PCLO: variants seen among roughly 807,000 people sequenced by gnomAD.
PCLO encodes the protein protein piccolo.
Under a neutral mutation model 427.5 loss-of-function variants are expected in PCLO, and 82 were observed. The observed-to-expected ratio is 0.19, with a 90% confidence interval of 0.16 to 0.23. PCLO has a LOEUF of 0.23. Ranked by LOEUF, PCLO falls within the 10% of genes least tolerant of loss-of-function variation. The probability of loss-of-function intolerance (pLI) is 1.00; values close to 1 mark genes in which losing one functional copy is unlikely to be tolerated. For missense variants in PCLO, 6,239 were observed against 6,115.9 expected, an observed-to-expected ratio of 1.02 and a Z score of -0.67; for synonymous variants, 2,357 against 2,155.4, an observed-to-expected ratio of 1.09 and a Z score of -2.59.
At chr7:83,106,024 A>G (rs2116503734) in intron 3 of PCLO, among the ~76,000 whole-genome samples, 1 of 152,358 alleles carries the variant, frequency 6.6e-6, no homozygotes, top group East Asian at 1.9e-4. Context: ...AGAGGAAACA[A>G]GTAGACTAGG....
intron 22 of PCLO, among the ~76,000 whole-genome samples, chr7:82,768,992 T>C (rs1013362280): frequency 1.3e-5 from 2 of 152,152 alleles, no homozygotes; most frequent in Non-Finnish European, 2.9e-5. Flanking sequence ...GTGGTTTGGG[T>C]ATTTCAAGTA....
chr7:82,876,273 T>C (rs2116023303), intron 10 of PCLO, among the ~76,000 whole-genome samples: 1 of 152,136 alleles, frequency 6.6e-6, no homozygotes, highest in East Asian at 1.9e-4. Context: ...ATTTTTTTAA[T>C]TGGAAAAAAA....
intron 3 of PCLO, among the ~76,000 whole-genome samples, chr7:82,997,210 C>T (rs189800737): frequency 6.6e-6 from 1 of 151,930 alleles, no homozygotes; most frequent in African/African-American, 2.4e-5. Context: ...CTGATCCCTG[C>T]CATGGTACCA....
intron 16 of PCLO, among the ~76,000 whole-genome samples, chr7:82,829,763 T>A (rs1792045519): frequency 2.0e-5 from 3 of 152,128 alleles, no homozygotes; most frequent in Admixed American, 1.3e-4. Context: ...CATAGAGAAA[T>A]TCTCCTACCT....
chr7:82,867,085 A>G (rs1663471184), intron 10 of PCLO, among the ~76,000 whole-genome samples: 1 of 152,192 alleles, frequency 6.6e-6, no homozygotes, highest in Non-Finnish European at 1.5e-5. Flanking sequence ...TAAAAGGAAG[A>G]CAAACATCAT....
intron 9 of PCLO, among the ~76,000 whole-genome samples, chr7:82,883,039 C>T (rs1793546138): frequency 6.6e-6 from 1 of 152,052 alleles, no homozygotes; most frequent in Admixed American, 6.6e-5. Context: ...TCAATACCCT[C>T]ATATCCTGTA....
chr7:83,038,025 ATATATT>A (rs1402012512), intron 3 of PCLO, among the ~76,000 whole-genome samples: 28 of 49,086 alleles, frequency 5.7e-4, no homozygotes, highest in African/African-American at 3.0e-3. Flanking sequence ...ATATATATAT[ATATATT>A]TATATATTTA....
intron 3 of PCLO, among the ~76,000 whole-genome samples, chr7:83,005,928 A>C (rs1344162928): frequency 6.6e-6 from 1 of 151,682 alleles, no homozygotes; most frequent in Non-Finnish European, 1.5e-5. Context: ...GCAATGTTCT[A>C]ATTACAGCCA....
rs1439488507 is a variant in PCLO at position 83,029,118 on chromosome 7, T to G, written c.3301-62631A>C. Among the ~76,000 whole-genome samples, 4 of 151,042 alleles carry G rather than the reference T, an allele frequency of 2.6e-5. No homozygotes were observed. In the South Asian group the frequency reaches 6.3e-4, roughly 24 times the overall value. On this transcript the variant is annotated intron_variant, in intron 3 of 24. Transcript: ENST00000333891. ...AAAAAATTGACAAATGGGATATAATTAAACTAAAGAGCTTCTGCACAGCAA... is the reference window on the plus strand; with the variant it reads ...AAAAAATTGACAAATGGGATATAATGAAACTAAAGAGCTTCTGCACAGCAA...
At chr7:82,772,059 C>T (rs1488938556) in intron 22 of PCLO, among the ~76,000 whole-genome samples, 2 of 152,044 alleles carry the variant, frequency 1.3e-5, no homozygotes, top group Non-Finnish European at 2.9e-5. Flanking sequence ...CATCTACAGC[C>T]TTAAAGAACT....
At chr7:82,781,237 T>C (rs1368861458) in intron 22 of PCLO, among the ~76,000 whole-genome samples, 1 of 151,670 alleles carries the variant, frequency 6.6e-6, no homozygotes, top group East Asian at 1.9e-4. Context: ...ATAAATTTAA[T>C]TAAATATATT....
chr7:83,044,392 A>C (rs1294818878), intron 3 of PCLO, among the ~76,000 whole-genome samples: 1 of 152,354 alleles, frequency 6.6e-6, no homozygotes, highest in South Asian at 2.1e-4. Context: ...TTTGGTAACT[A>C]ATAAACAAAT....
intron 3 of PCLO, among the ~76,000 whole-genome samples, chr7:83,041,358 G>A (rs1788968573): frequency 6.6e-6 from 1 of 152,032 alleles, no homozygotes; most frequent in Non-Finnish European, 1.5e-5. Context: ...ATATTCCAGA[G>A]GCTGTTAAAG....
intron 20 of PCLO, among the ~76,000 whole-genome samples, chr7:82,809,435 C>A (rs755113977): frequency 6.6e-6 from 1 of 151,662 alleles, no homozygotes; most frequent in Non-Finnish European, 1.5e-5. Context: ...AAATCACCTG[C>A]TTCATGCATT....
intron 3 of PCLO, among the ~76,000 whole-genome samples, chr7:83,070,639 G>A (rs1281941902): frequency 2.0e-5 from 3 of 152,040 alleles, no homozygotes; most frequent in Non-Finnish European, 4.4e-5. Flanking sequence ...CGCCCGCCTC[G>A]GCCTCCCAGA....
rs200252038 is a variant in PCLO, at chr7:82,977,380, T to TTTTATTTA, written c.3301-10901_3301-10894dup. Among the ~76,000 whole-genome samples, 1,255 of 132,734 alleles carry TTTTATTTA rather than the reference T, an allele frequency of 9.5e-3. 8 individuals carry two copies. Among genetic ancestry groups the TTTTATTTA allele is most frequent in the Non-Finnish European group, 0.01 (620 of 61,574 alleles). 87.1% of individuals were successfully genotyped at this position (132,734 alleles called of 152,430 possible). On this transcript the variant is annotated intron_variant, in intron 3 of 24. Coordinates refer to ENST00000333891, the MANE Select transcript of PCLO (RefSeq NM_033026.6). Reference sequence around the variant, plus strand: ...ACTGCCTGAGTGCAAAATTCATCTTTTTTATTTATTTATTTATTTATTTAT... The same window carrying TTTTATTTA: ...ACTGCCTGAGTGCAAAATTCATCTTTTTTATTTATTTATTTATTTATTTATTTATTTAT...
intron 4 of PCLO, among the ~76,000 whole-genome samples, chr7:82,965,203 A>C (rs531117233): frequency 6.6e-6 from 1 of 152,096 alleles, no homozygotes; most frequent in Non-Finnish European, 1.5e-5. Context: ...TAACAGATAC[A>C]TTATATTAAA....
chr7:82,877,299 C>T (rs1321121366), intron 10 of PCLO, among the ~76,000 whole-genome samples: 3 of 152,016 alleles, frequency 2.0e-5, no homozygotes, highest in Admixed American at 6.6e-5. Flanking sequence ...AAAAAGTACA[C>T]GGTATTTTAT....
At chr7:82,860,935 G>A (rs1409632577) in intron 10 of PCLO, among the ~76,000 whole-genome samples, 2 of 151,644 alleles carry the variant, frequency 1.3e-5, no homozygotes, top group Admixed American at 1.3e-4. Context: ...CAAGCCTCAA[G>A]GTAACCTCAA....
Sources: gnomAD v4.1 joint callset for allele counts (sites outside exome capture counted in the v4.1 genomes callset) on GRCh38, gnomAD v4.1.1 for gene constraint, MANE v1.5 for transcripts, NCBI Gene and HGNC (gene_info 2026-07-23, HGNC 2026-07-21) for gene names.